COQ2: variants seen among roughly 807,000 people sequenced by gnomAD.
COQ2 encodes the protein 4-hydroxybenzoate polyprenyltransferase, mitochondrial.
A neutral mutation model predicts 35.7 loss-of-function variants in COQ2; 25 were observed. The observed-to-expected ratio is 0.70, with a 90% CI of 0.51 to 0.98. The LOEUF (loss-of-function observed/expected upper bound fraction) is 0.98. Ranked by LOEUF, COQ2 falls within the 50% of genes least tolerant of loss-of-function variation. The pLI is 0.00. For synonymous variants in COQ2, 206 were observed against 186.2 expected, an observed-to-expected ratio of 1.11 and a Z score of -0.86; for missense variants, 488 against 473.5, an observed-to-expected ratio of 1.03 and a Z score of -0.28.
chr4:83,279,775 G>T (rs755879931), intron 1 of COQ2, among the ~76,000 whole-genome samples: 4 of 150,650 alleles, frequency 2.7e-5, no homozygotes, highest in South Asian at 2.1e-4. Flanking sequence ...TCTGAATATT[G>T]TATCATATAC....
chr4:83,280,079 C>T (rs1375631374), intron 1 of COQ2, among the ~76,000 whole-genome samples: 1 of 152,128 alleles, frequency 6.6e-6, no homozygotes, highest in Admixed American at 6.6e-5. Flanking sequence ...ATCGTCCCAC[C>T]TTGGCCTCCC....
intron 1 of COQ2, chr4:83,283,371 C>T: frequency 2.0e-6 from 2 of 985,400 alleles, no homozygotes; most frequent in Non-Finnish European, 2.4e-6. Flanking sequence ...ATGTTCTTGT[C>T]TAGTCTCGTT....
In COQ2 at chr4:83,267,588, G is replaced by T; in HGVS notation, c.949C>A (p.Gln317Lys). The change falls in exon 6 of 7, where the codon CAG (glutamine) becomes AAG (lysine). Residue 317 changes from glutamine (Q) to lysine (K), a missense_variant and splice_region_variant. Physicochemically the swap from Gln to Lys is moderately conservative, Grantham distance 53 (BLOSUM62 1). Coordinates refer to ENST00000647002, the MANE Select transcript of COQ2 (RefSeq NM_001358921.2). Reference sequence around the variant, plus strand: ...GACAAATAAGAAAAAGGTCAAACCTGGTGAGTCAGATGGGCTCCTACAGCA... The same window carrying T: ...GACAAATAAGAAAAAGGTCAAACCTTGTGAGTCAGATGGGCTCCTACAGCA... Reference protein sequence around the residue: ...LGAVGAHLTHQIYTLDIHRPE... With the variant: ...LGAVGAHLTHKIYTLDIHRPE... The T allele has an allele frequency of 6.4e-7, 1 of 1,558,486 alleles. No individual in the cohort carries two copies. The highest frequency in any genetic ancestry group is 8.6e-7 in the Non-Finnish European group (1 of 1,158,250).
intron 1 of COQ2, chr4:83,284,129 G>A: frequency 1.0e-6 from 1 of 985,324 alleles, no homozygotes; most frequent in South Asian, 4.7e-5. Context: ...AATGAAGGAG[G>A]GCCACGAGAA....
intron 1 of COQ2, among the ~76,000 whole-genome samples, chr4:83,280,065 A>G (rs1735282635): frequency 6.6e-6 from 1 of 152,048 alleles, no homozygotes; most frequent in Non-Finnish European, 1.5e-5. Context: ...CTTGGCCTCA[A>G]GTAATCGTCC....
intron 2 of COQ2, among the ~76,000 whole-genome samples, 160 bp from the exon 3 acceptor site, chr4:83,273,777 G>A (rs1341717789): frequency 6.6e-6 from 1 of 152,000 alleles, no homozygotes; most frequent in Non-Finnish European, 1.5e-5. Flanking sequence ...ATTTAAAATA[G>A]CTTTGAAAAG....
chr4:83,269,912 TAAAG>T lies in COQ2; in HGVS notation c.706_709del (p.Leu236IlefsTer9), dbSNP rs1560492735. 1 of 1,612,460 alleles carries T rather than the reference TAAAG, an allele frequency of 6.2e-7. No individual in the cohort carries two copies. The highest frequency in any genetic ancestry group is 8.5e-7 in the Non-Finnish European group (1 of 1,178,810). ...TAGTGTCCACATAACTCCAGAAAAA[TAAAG>T]AGGCAGGCAAACAGATGGATCACAG... On this transcript the variant is annotated frameshift_variant, in exon 5 of 7. Transcript: ENST00000647002. LOFTEE classifies it high-confidence loss of function.
rs1427588818 is a variant in COQ2 at position 83,269,838 on chromosome 4, TAAGAA to T, written c.762+17_762+21del. On this transcript the variant is annotated intron_variant, in intron 5 of 6. Transcript: ENST00000647002. Reference sequence around the variant, plus strand: ...AAAACAGCAACAACTAAACCAAAGTTAAGAAAAGATAATTTCTTTACCTGATGGGC... The same window carrying T: ...AAAACAGCAACAACTAAACCAAAGTTAAGATAATTTCTTTACCTGATGGGC... 1 of 1,519,384 alleles carries T rather than the reference TAAGAA, an allele frequency of 6.6e-7. No homozygotes were observed. The highest frequency in any genetic ancestry group is 8.8e-7 in the Non-Finnish European group (1 of 1,133,292). The allele number at this position is 1,519,384 out of a possible 1,614,324, so 94.1% of individuals were successfully genotyped here.
chr4:83,277,264 T>C (rs1386298862), intron 2 of COQ2, among the ~76,000 whole-genome samples: 1 of 152,188 alleles, frequency 6.6e-6, no homozygotes. Flanking sequence ...GAGAAATGCT[T>C]TACCATACAG....
chr4:83,267,445 G>A, intron 6 of COQ2, 141 bp downstream of exon 6: 1 of 666,726 alleles, frequency 1.5e-6, no homozygotes, highest in Non-Finnish European at 2.5e-6. Flanking sequence ...CCGGAGGGCA[G>A]GGGGGTCTGT....
intron 2 of COQ2, 49 bp from the exon 3 acceptor site, chr4:83,273,666 T>C (rs774606974): frequency 6.3e-7 from 1 of 1,577,684 alleles, no homozygotes; most frequent in South Asian, 1.2e-5. Flanking sequence ...GACTCAATCA[T>C]TTATTTAAAC....
At chr4:83,277,973 AACACACACACAC>A (rs10595798) in intron 2 of COQ2, among the ~76,000 whole-genome samples, 30,100 of 140,122 alleles carry the variant, frequency 0.21, 3,432 homozygotes, top group Non-Finnish European at 0.26. Context: ...TCCATCTCAA[AACACACACACAC>A]ACACACACAC....
At chr4:83,284,014 G>C (rs1735389716) in intron 1 of COQ2, 1 of 985,418 alleles carries the variant, frequency 1.0e-6, no homozygotes, top group Non-Finnish European at 1.2e-6. Context: ...GAGTTCTTCT[G>C]GTCTGGCTCT....
chr4:83,274,511 C>T (rs746596103), intron 2 of COQ2, among the ~76,000 whole-genome samples: 6 of 151,458 alleles, frequency 4.0e-5, no homozygotes, highest in Admixed American at 1.3e-4. Context: ...ATCTTCTTAA[C>T]GGGGTCCTTA....
At chr4:83,267,339 T>C in intron 6 of COQ2, 1 of 427,372 alleles carries the variant, frequency 2.3e-6, no homozygotes, top group East Asian at 5.0e-5. Context: ...ATTGCACCAC[T>C]GCACTCCAGC....
At chr4:83,273,898 C>G (rs1051343617) in intron 2 of COQ2, among the ~76,000 whole-genome samples, 6 of 139,862 alleles carry the variant, frequency 4.3e-5, no homozygotes, top group Non-Finnish European at 1.5e-5. Context: ...AATCCCAGCA[C>G]TTTGGGAGGC....
Position 83,284,738 on chromosome 4 carries a change from G to A in COQ2, c.27C>T (p.Phe9=), listed in dbSNP as rs747575952. 5 of 1,525,962 alleles carry A rather than the reference G, an allele frequency of 3.3e-6. No homozygotes were observed. In the East Asian group the frequency reaches 7.8e-5, roughly 24 times the overall value. The allele number at this position is 1,525,962 out of a possible 1,614,324, so 94.5% of individuals were successfully genotyped here. MLGSRAAG[F]ARGLRAVALA... ...GTGCCACAGCCCGCAGGCCCCGCGC[G>A]AACCCCGCGGCTCGCGAGCCCAGCA... The change falls in exon 1 of 7, where the codon TTC becomes TTT. Residue 9 remains phenylalanine (F), a synonymous_variant. Coordinates refer to ENST00000647002, the MANE Select transcript of COQ2 (RefSeq NM_001358921.2).
At chr4:83,266,598 C>T (rs1004989627) in intron 6 of COQ2, 4 of 152,372 alleles carry the variant, frequency 2.6e-5, no homozygotes, top group African/African-American at 7.2e-5. Flanking sequence ...TCAGGTGATC[C>T]ACCATGAATA....
Position 83,284,539 on chromosome 4 carries a change from G to GC in COQ2, c.225dup (p.Arg76AlafsTer27), listed in dbSNP as rs1309293625. 6.3e-7 allele frequency: 1 copy of GC among 1,575,310 alleles called. No homozygotes were observed. The highest frequency in any genetic ancestry group is 8.6e-7 in the Non-Finnish European group (1 of 1,162,296). On this transcript the variant is annotated frameshift_variant, in exon 1 of 7. Transcript: ENST00000647002. LOFTEE classifies it high-confidence loss of function. ...ATGGGCTTGTCCAACCGCATGAGGC[G>GC]CAAGTACGGCTGCAGGGGGCGGGGC...
Sources: gnomAD v4.1 joint callset for allele counts (sites outside exome capture counted in the v4.1 genomes callset) on GRCh38, gnomAD v4.1.1 for gene constraint, MANE v1.5 for transcripts, NCBI Gene and HGNC (gene_info 2026-07-23, HGNC 2026-07-21) for gene names.